Variants in RYR2 observed in about 807,000 individuals in gnomAD.
The protein encoded by RYR2 is ryanodine receptor 2.
In RYR2, 227 loss-of-function variants were observed where a neutral mutation model predicts 601.1. The ratio of observed to expected loss-of-function variants is 0.38; its 90% confidence interval spans 0.34 to 0.42. The LOEUF (loss-of-function observed/expected upper bound fraction) is 0.42. Among genes scored for constraint, RYR2 ranks in the 10% least tolerant of loss-of-function variants. RYR2 has a pLI of 1.00. For synonymous variants in RYR2, 2,223 were observed against 2,175.1 expected, an observed-to-expected ratio of 1.02 and a Z score of -0.61; for missense variants, 4,646 against 6,156.5, an observed-to-expected ratio of 0.75 and a Z score of 8.21.
intron 2 of RYR2, among the ~76,000 whole-genome samples, chr1:237,313,887 G>A (rs1694822060): frequency 6.8e-6 from 1 of 147,948 alleles, no homozygotes; most frequent in Admixed American, 6.7e-5. Flanking sequence ...CTGGCTGGCT[G>A]TCATTTTGCT....
At chr1:237,667,413 C>T (rs1202220498) in intron 57 of RYR2, among the ~76,000 whole-genome samples, 1 of 152,094 alleles carries the variant, frequency 6.6e-6, no homozygotes, top group Non-Finnish European at 1.5e-5. Context: ...CTTATCAAAA[C>T]CCAAAAGGTC....
chr1:237,097,189 A>G (rs1667585654), intron 1 of RYR2, among the ~76,000 whole-genome samples: 1 of 152,082 alleles, frequency 6.6e-6, no homozygotes, highest in African/African-American at 2.4e-5. Context: ...CCTTTGGTAG[A>G]GAAATAAATA....
chr1:237,787,597 CAAAAAAAA>C (rs778668137), intron 91 of RYR2, among the ~76,000 whole-genome samples: 290 of 60,386 alleles, frequency 4.8e-3, no homozygotes, highest in African/African-American at 0.012. Context: ...GTCTCAAAAA[CAAAAAAAA>C]AAAAAAAAAA....
At chr1:237,275,728 A>G (rs1306105683) in intron 2 of RYR2, among the ~76,000 whole-genome samples, 1 of 152,208 alleles carries the variant, frequency 6.6e-6, no homozygotes. Flanking sequence ...AACCTCAAAA[A>G]TAGAATATAC....
At chr1:237,407,778 G>T (rs1308590112) in intron 10 of RYR2, among the ~76,000 whole-genome samples, 2 of 151,742 alleles carry the variant, frequency 1.3e-5, no homozygotes, top group African/African-American at 4.8e-5. Flanking sequence ...CACCATGCCC[G>T]GCTAATTTTT....
chr1:237,318,549 TA>T (rs1695321242), intron 2 of RYR2, among the ~76,000 whole-genome samples: 1 of 152,188 alleles, frequency 6.6e-6, no homozygotes, highest in African/African-American at 2.4e-5. Flanking sequence ...TGCAAATGTC[TA>T]TTTTGCCTTC....
intron 14 of RYR2, among the ~76,000 whole-genome samples, chr1:237,453,139 G>A (rs539566550): frequency 7.0e-4 from 107 of 152,088 alleles, no homozygotes; most frequent in African/African-American, 2.6e-3. Context: ...ATACTTCACT[G>A]CATGTGAATT....
At chr1:237,812,463 C>T (rs1661352711) in intron 100 of RYR2, among the ~76,000 whole-genome samples, 1 of 152,094 alleles carries the variant, frequency 6.6e-6, no homozygotes, top group South Asian at 2.1e-4. Context: ...GATCAGTATT[C>T]CTATCGCATA....
intron 20 of RYR2, among the ~76,000 whole-genome samples, chr1:237,497,569 A>G (rs746199774): frequency 1.8e-4 from 27 of 152,304 alleles, no homozygotes; most frequent in Middle Eastern, 3.4e-3. Context: ...GGCATAGTTT[A>G]TAAATTATTT....
intron 95 of RYR2, among the ~76,000 whole-genome samples, chr1:237,794,344 C>A (rs1211929335): frequency 1.3e-5 from 2 of 151,890 alleles, no homozygotes; most frequent in African/African-American, 4.8e-5. Context: ...AAAAATTATT[C>A]ATTAACGAAA....
At position 237,674,107 on chromosome 1, in the gene RYR2, C is replaced by T; in HGVS notation, c.8602C>T (p.His2868Tyr). ...MELESKGGGN[H>Y]PLLVPYDTLT... ...TGACATACTCTTAGGAGGAGGAAACCATCCTCTGCTGGTGCCCTATGATAC... is the reference window on the plus strand; with the variant it reads ...TGACATACTCTTAGGAGGAGGAAACTATCCTCTGCTGGTGCCCTATGATAC... The change falls in exon 59 of 105, where the codon CAT becomes TAT. Residue 2868 changes from histidine to tyrosine, a missense_variant. By Grantham distance (83) the His-to-Tyr change is moderately conservative (BLOSUM62 2). Around this residue, in one of 17 missense-constraint regions of RYR2, gnomAD observed 1,497 missense variants for 1,842.6 expected, o/e 0.81. Transcript: ENST00000366574. The T allele has an allele frequency of 1.2e-6, 2 of 1,611,594 alleles. No homozygotes were observed. The highest frequency in any genetic ancestry group is 2.2e-5 in the East Asian group (1 of 44,828).
At chr1:237,601,942 A>G in intron 34 of RYR2, 83 bp from the exon 35 acceptor site, 1 of 1,106,112 alleles carries the variant, frequency 9.0e-7, no homozygotes, top group East Asian at 2.5e-5. Context: ...TCTGTAAAGT[A>G]TTCCTTTGTT....
intron 10 of RYR2, among the ~76,000 whole-genome samples, chr1:237,412,252 G>A (rs969141190): frequency 2.6e-5 from 4 of 152,000 alleles, no homozygotes; most frequent in East Asian, 1.9e-4. Context: ...TATGAGCAGC[G>A]GAATTGATGG....
chr1:237,550,797 C>G, intron 27 of RYR2, 106 bp downstream of exon 27: 5 of 1,227,432 alleles, frequency 4.1e-6, no homozygotes, highest in Non-Finnish European at 4.4e-6. Context: ...GTCCTCTAGT[C>G]TAGGTGTGGA....
chr1:237,540,354 C>T (rs905734693), intron 25 of RYR2, among the ~76,000 whole-genome samples: 2 of 152,056 alleles, frequency 1.3e-5, no homozygotes, highest in Non-Finnish European at 2.9e-5. Flanking sequence ...TTTCATTTAG[C>T]ACTTATCTAT....
At chr1:237,542,941 C>A (rs1669457391) in intron 25 of RYR2, among the ~76,000 whole-genome samples, 1 of 152,158 alleles carries the variant, frequency 6.6e-6, no homozygotes, top group African/African-American at 2.4e-5. Context: ...GAACTTGCCT[C>A]CTCTGACTCT....
chr1:237,666,414 C>A, intron 56 of RYR2, 98 bp from the exon 57 acceptor site: 1 of 1,014,648 alleles, frequency 9.9e-7, no homozygotes, highest in South Asian at 1.5e-5. Context: ...TAAGGAAACA[C>A]TATGTTTGGA....
In RYR2 at chr1:237,759,862, C is replaced by T; in HGVS notation, c.11402+10C>T. On this transcript the variant is annotated intron_variant, in intron 83 of 104. Coordinates refer to ENST00000366574, the MANE Select transcript of RYR2 (RefSeq NM_001035.3). ...TGATGCAGTCATGTAGGTAAGGACTCACTTCCTTCTTGGGGGTTCTACTCA... is the reference window on the plus strand; with the variant it reads ...TGATGCAGTCATGTAGGTAAGGACTTACTTCCTTCTTGGGGGTTCTACTCA... The T allele has an allele frequency of 2.5e-6, 4 of 1,582,898 alleles. No homozygotes were observed. Among genetic ancestry groups the T allele is most frequent in the Non-Finnish European group, 3.5e-6 (4 of 1,156,682 alleles).
intron 34 of RYR2, among the ~76,000 whole-genome samples, chr1:237,599,304 A>G (rs1394232905): frequency 3.3e-5 from 5 of 152,224 alleles, no homozygotes; most frequent in Non-Finnish European, 7.3e-5. Flanking sequence ...AATAAAAGGC[A>G]TCCAAATTGG....
Sources: gnomAD v4.1 joint callset for allele counts (sites outside exome capture counted in the v4.1 genomes callset) on GRCh38, gnomAD v4.1.1 for gene constraint, gnomAD v4.1.1 regional missense constraint, MANE v1.5 for transcripts, NCBI Gene and HGNC (gene_info 2026-07-23, HGNC 2026-07-21) for gene names.